NELL1: variants seen among roughly 807,000 people sequenced by gnomAD.
The protein encoded by NELL1 is protein kinase C-binding protein NELL1.
NELL1 carries 76 observed loss-of-function variants against 107.4 expected under a neutral mutation model. That is an observed-to-expected ratio of 0.71 (90% CI 0.59 to 0.86). The LOEUF (loss-of-function observed/expected upper bound fraction) is 0.86, where lower values mean the gene tolerates loss of function less well. Ranked by LOEUF, NELL1 falls within the 40% of genes least tolerant of loss-of-function variation. The pLI is 0.00. For missense variants in NELL1, 1,024 were observed against 1,005.5 expected (o/e 1.02, Z -0.25); for synonymous variants, 353 against 341.2 (o/e 1.03, Z -0.38).
intron 14 of NELL1, among the ~76,000 whole-genome samples, chr11:21,235,129 G>T (rs147900782): frequency 8.9e-4 from 135 of 152,222 alleles, no homozygotes; most frequent in African/African-American, 3.2e-3. Flanking sequence ...ATTCAGGAAG[G>T]TGCCAATCTA....
chr11:21,384,926 A>ATTATT (rs148100962), intron 15 of NELL1, among the ~76,000 whole-genome samples: 5,796 of 151,848 alleles, frequency 0.038, 372 homozygotes, highest in African/African-American at 0.13. Flanking sequence ...CTTTTTAAAA[A>ATTATT]TTATTTTATT....
At chr11:21,032,669 G>A (rs1018361365) in intron 12 of NELL1, among the ~76,000 whole-genome samples, 15 of 152,302 alleles carry the variant, frequency 9.8e-5, no homozygotes, top group Middle Eastern at 6.8e-3. Flanking sequence ...ATACAGGCAT[G>A]AGCCACTGTA....
At chr11:21,300,391 G>A in intron 14 of NELL1, among the ~76,000 whole-genome samples, 1 of 152,006 alleles carries the variant, frequency 6.6e-6, no homozygotes, top group East Asian at 1.9e-4. Flanking sequence ...AGGACCTGGA[G>A]GCCAGAAAAA....
At chr11:21,259,579 A>G (rs928338787) in intron 14 of NELL1, among the ~76,000 whole-genome samples, 1 of 151,926 alleles carries the variant, frequency 6.6e-6, no homozygotes, top group Non-Finnish European at 1.5e-5. Flanking sequence ...TGGGGTCGGT[A>G]GCCAGGAAGC....
chr11:21,520,044 G>T (rs1476467376), intron 15 of NELL1, among the ~76,000 whole-genome samples: 2 of 152,154 alleles, frequency 1.3e-5, no homozygotes, highest in Non-Finnish European at 2.9e-5. Flanking sequence ...TAGGAGAAGA[G>T]AGATATGGAA....
chr11:20,944,980 T>C (rs1476916071), intron 10 of NELL1, among the ~76,000 whole-genome samples: 4 of 152,240 alleles, frequency 2.6e-5, no homozygotes, highest in African/African-American at 4.8e-5. Flanking sequence ...TATATACTTA[T>C]ACAATTTGGA....
At chr11:21,539,034 T>C (rs1856219615) in intron 16 of NELL1, among the ~76,000 whole-genome samples, 1 of 152,106 alleles carries the variant, frequency 6.6e-6, no homozygotes, top group African/African-American at 2.4e-5. Context: ...TTAGTTAAAA[T>C]CCTGATGAAG....
intron 4 of NELL1, among the ~76,000 whole-genome samples, chr11:20,873,171 T>C (rs927697595): frequency 2.0e-5 from 3 of 152,146 alleles, no homozygotes; most frequent in Non-Finnish European, 4.4e-5. Context: ...TGGGGTATAA[T>C]TGAACACTAG....
intron 4 of NELL1, among the ~76,000 whole-genome samples, chr11:20,858,510 C>T (rs548539005): frequency 6.6e-6 from 1 of 152,314 alleles, no homozygotes; most frequent in East Asian, 1.9e-4. Context: ...CTAAGAGTTA[C>T]AGAATTAGCT....
intron 13 of NELL1, among the ~76,000 whole-genome samples, chr11:21,181,355 A>T (rs1398800591): frequency 1.3e-5 from 2 of 151,828 alleles, no homozygotes; most frequent in Non-Finnish European, 2.9e-5. Flanking sequence ...ACAAAGTGAT[A>T]CTAGGCAAGT....
At chr11:21,173,667 G>C (rs948078436) in intron 13 of NELL1, among the ~76,000 whole-genome samples, 3 of 151,834 alleles carry the variant, frequency 2.0e-5, no homozygotes, top group Non-Finnish European at 4.4e-5. Flanking sequence ...GATGGGGACA[G>C]TGCTTGGCAT....
At chr11:21,202,924 G>A (rs999717797) in intron 13 of NELL1, among the ~76,000 whole-genome samples, 2 of 152,152 alleles carry the variant, frequency 1.3e-5, no homozygotes, top group Admixed American at 1.3e-4. Context: ...TCTCCATGTA[G>A]TCGTGCAGTT....
chr11:21,470,695 C>A (rs1287362002), intron 15 of NELL1, among the ~76,000 whole-genome samples: 1 of 152,068 alleles, frequency 6.6e-6, no homozygotes, highest in Non-Finnish European at 1.5e-5. Context: ...AGAAGCCATG[C>A]CTTAGTCATC....
chr11:21,327,183 G>T (rs1850164582), intron 14 of NELL1, among the ~76,000 whole-genome samples: 2 of 125,562 alleles, frequency 1.6e-5, no homozygotes, highest in African/African-American at 3.0e-5. Context: ...TTTTTTGTGG[G>T]GGGGACTGTT....
At position 20,738,850 on chromosome 11, in the gene NELL1, C is replaced by T. The variant is rs1051002175; in HGVS notation, c.185-44830C>T. On this transcript the variant is annotated intron_variant, in intron 2 of 19. Coordinates refer to ENST00000357134, the MANE Select transcript of NELL1 (RefSeq NM_006157.5). ...AGATGGCAGTGTACTTGGTCTTTAACCCCAGGAAGTGGAGTCAGACTTTGC... is the reference window on the plus strand; with the variant it reads ...AGATGGCAGTGTACTTGGTCTTTAATCCCAGGAAGTGGAGTCAGACTTTGC... Among the ~76,000 whole-genome samples, 43 of 152,158 alleles carry T rather than the reference C, an allele frequency of 2.8e-4. 1 individual carries two copies.
intron 15 of NELL1, among the ~76,000 whole-genome samples, chr11:21,449,535 CT>C (rs1853527373): frequency 6.6e-6 from 1 of 151,900 alleles, no homozygotes; most frequent in Non-Finnish European, 1.5e-5. Context: ...TTAACAGTTT[CT>C]TTGAAGAGCA....
intron 5 of NELL1, among the ~76,000 whole-genome samples, chr11:20,887,164 T>C (rs1197961198): frequency 6.6e-6 from 1 of 152,240 alleles, no homozygotes; most frequent in East Asian, 1.9e-4. Flanking sequence ...TGTGTATCAG[T>C]GGTTCATTGT....
At chr11:20,723,890 T>A (rs1355929932) in intron 2 of NELL1, among the ~76,000 whole-genome samples, 1 of 152,212 alleles carries the variant, frequency 6.6e-6, no homozygotes, top group East Asian at 1.9e-4. Flanking sequence ...AGCTCTTGAC[T>A]TCTGCACACC....
chr11:20,773,400 G>A (rs1856677968), intron 2 of NELL1: 1 of 151,966 alleles, frequency 6.6e-6, no homozygotes, highest in Non-Finnish European at 1.5e-5. Context: ...GGGTAGATGT[G>A]GTTTTATTCT....
Sources: gnomAD v4.1 joint callset for allele counts (sites outside exome capture counted in the v4.1 genomes callset) on GRCh38, gnomAD v4.1.1 for gene constraint, MANE v1.5 for transcripts, NCBI Gene and HGNC (gene_info 2026-07-23, HGNC 2026-07-21) for gene names.